FOLH1: variants seen among roughly 807,000 people sequenced by gnomAD.
FOLH1 encodes glutamate carboxypeptidase 2.
FOLH1 carries 54 observed loss-of-function variants against 93.9 expected under a neutral mutation model. The ratio of observed to expected loss-of-function variants is 0.57; its 90% CI spans 0.46 to 0.72. The LOEUF (loss-of-function observed/expected upper bound fraction) is 0.72, where lower values mean the gene tolerates loss of function less well. FOLH1 is among the 30% of genes least tolerant of loss of function. The pLI is 0.00. For synonymous variants in FOLH1, 249 were observed against 303.6 expected, an observed-to-expected ratio of 0.82 and a Z score of 1.87; for missense variants, 571 against 892.5, an observed-to-expected ratio of 0.64 and a Z score of 4.59.
intron 12 of FOLH1, among the ~76,000 whole-genome samples, chr11:49,167,939 CCAA>C (rs1858629814): frequency 3.1e-4 from 16 of 52,096 alleles, no homozygotes; most frequent in African/African-American, 1.1e-3. Context: ...AAAGAAAATG[CCAA>C]CGTGACTCCA....
chr11:49,151,732 G>A (rs548950991), intron 17 of FOLH1, among the ~76,000 whole-genome samples: 1 of 152,294 alleles, frequency 6.6e-6, no homozygotes, highest in East Asian at 1.9e-4. Flanking sequence ...GAAGCTGAGT[G>A]TGCCAAACAA....
chr11:49,175,970 A>G lies in FOLH1; in HGVS notation c.921-13T>C, dbSNP rs368520917. The stretch of plus-strand genomic sequence containing the variant: ...GCCACCCATTTTTCTATTGGACACA[A>G]AAAAACATTATTAGCCACAAAAAAA... On this transcript the variant is annotated splice_polypyrimidine_tract_variant and intron_variant, in intron 7 of 18. Coordinates refer to ENST00000256999, the MANE Select transcript of FOLH1 (RefSeq NM_004476.3). 1 of 1,608,806 alleles carries G rather than the reference A, an allele frequency of 6.2e-7. No homozygotes were observed. Among genetic ancestry groups the G allele is most frequent in the African/African-American group, 1.3e-5 (1 of 74,640 alleles).
intron 3 of FOLH1, among the ~76,000 whole-genome samples, chr11:49,199,545 T>G (rs1400952287): frequency 6.6e-6 from 1 of 152,144 alleles, no homozygotes; most frequent in Non-Finnish European, 1.5e-5. Context: ...TGGGTCAAAC[T>G]GCATACTGGA....
At chr11:49,204,983 G>A (rs1863724492) in intron 2 of FOLH1, among the ~76,000 whole-genome samples, 1 of 152,072 alleles carries the variant, frequency 6.6e-6, no homozygotes, top group African/African-American at 2.4e-5. Flanking sequence ...AGCCGAGGCG[G>A]GCAGATCACC....
chr11:49,145,491 A>G lies in FOLH1; in HGVS notation c.*1265T>C, dbSNP rs1343712110. ...TGAAATTGTCCTTTGCCAAATTTGTAGTAGAGCCCCTCTGGCTTGACATTT... is the reference window on the plus strand; with the variant it reads ...TGAAATTGTCCTTTGCCAAATTTGTGGTAGAGCCCCTCTGGCTTGACATTT... On this transcript the variant is annotated 3_prime_UTR_variant, in exon 19 of 19. Transcript: ENST00000256999. 2.0e-5 allele frequency among the ~76,000 whole-genome samples: 3 copies of G among 152,184 alleles called. No homozygotes were observed. Among genetic ancestry groups the G allele is most frequent in the Non-Finnish European group, 4.4e-5 (3 of 68,020 alleles).
At chr11:49,184,629 A>G (rs1861168940) in intron 6 of FOLH1, among the ~76,000 whole-genome samples, 1 of 152,192 alleles carries the variant, frequency 6.6e-6, no homozygotes, top group Non-Finnish European at 1.5e-5. Context: ...ATTATGTTCT[A>G]AGAAGATTTA....
chr11:49,200,830 T>C (rs757781651), intron 2 of FOLH1, among the ~76,000 whole-genome samples: 2 of 152,164 alleles, frequency 1.3e-5, no homozygotes, highest in East Asian at 1.9e-4. Context: ...AGGTGTAACA[T>C]GGCAAGAATT....
intron 2 of FOLH1, among the ~76,000 whole-genome samples, chr11:49,203,577 G>A (rs535947613): frequency 4.0e-4 from 61 of 152,222 alleles, no homozygotes; most frequent in Non-Finnish European, 6.0e-4. Flanking sequence ...GAGATTCTGT[G>A]GTCCTTGGAG....
rs1858874324 is a variant in FOLH1, at chr11:49,169,181, C to T, written c.1372+14G>A. On this transcript the variant is annotated intron_variant, in intron 12 of 18. Coordinates refer to ENST00000256999, the MANE Select transcript of FOLH1 (RefSeq NM_004476.3). ...TTTAATCACATCTTTTCTTATGAGA[C>T]CAACGATATTCACCTTCTATAGATG... The T allele has an allele frequency of 1.2e-6, 2 of 1,612,212 alleles. No homozygotes were observed. Among genetic ancestry groups the T allele is most frequent in the Non-Finnish European group, 1.7e-6 (2 of 1,178,610 alleles).
chr11:49,155,561 CT>C, intron 15 of FOLH1: 2 of 237,324 alleles, frequency 8.4e-6, no homozygotes, highest in Non-Finnish European at 1.7e-5. Flanking sequence ...AATGATTTTT[CT>C]TTATAACATA....
chr11:49,185,773 G>A lies in FOLH1; in HGVS notation c.722C>T (p.Ser241Phe), dbSNP rs1206846668. The A allele has an allele frequency of 6.2e-7, 1 of 1,610,570 alleles. No individual in the cohort carries two copies. The highest frequency in any genetic ancestry group is 8.5e-7 in the Non-Finnish European group (1 of 1,178,784). Residue 241 changes from serine to phenylalanine, a missense_variant, in exon 6 of 19, where the codon TCC becomes TTC. Ser to Phe is a radical substitution (Grantham distance 155). Transcript: ENST00000256999. ...PADYFAPGVK[S>F]YPDGWNLPGG... ...AGGAAGATTCCAACCATCTGGATAG[G>A]ACTTCACCCCAGGAGCAAAGTAGTC...
intron 7 of FOLH1, among the ~76,000 whole-genome samples, chr11:49,178,036 G>C (rs202711): frequency 1 from 151,729 of 151,840 alleles, 75,809 homozygotes; most frequent in Non-Finnish European, 1. Flanking sequence ...TCTATCTTCC[G>C]TGGTTTTGTT....
At chr11:49,168,971 G>A (rs1858835536) in intron 12 of FOLH1, among the ~76,000 whole-genome samples, 1 of 152,064 alleles carries the variant, frequency 6.6e-6, no homozygotes, top group Non-Finnish European at 1.5e-5. Context: ...GAAAAGAAAA[G>A]AGAAAAGAAA....
At chr11:49,164,793 A>G (rs1466453058) in intron 12 of FOLH1, 21 bp from the exon 13 acceptor site, 3 of 1,538,962 alleles carry the variant, frequency 1.9e-6, no homozygotes, top group Non-Finnish European at 2.7e-6. Flanking sequence ...AGAAAAGAAT[A>G]GATTTTAAAA....
intron 6 of FOLH1, 38 bp downstream of exon 6, chr11:49,185,631 G>C (rs769314836): frequency 9.9e-6 from 16 of 1,610,626 alleles, no homozygotes; most frequent in Admixed American, 1.7e-5. Context: ...TCTTTCAAAT[G>C]TTAAGTTTCC....
chr11:49,204,836 G>A (rs761984649), intron 2 of FOLH1, among the ~76,000 whole-genome samples: 1 of 152,122 alleles, frequency 6.6e-6, no homozygotes, highest in Non-Finnish European at 1.5e-5. Context: ...GCAATCATTA[G>A]AGGGACTTCA....
chr11:49,199,108 A>T (rs1334829207), intron 3 of FOLH1, among the ~76,000 whole-genome samples: 2 of 152,190 alleles, frequency 1.3e-5, no homozygotes, highest in East Asian at 3.9e-4. Flanking sequence ...ATGAAAAAAA[A>T]TTATATATGT....
chr11:49,164,955 AT>A (rs1265576175), intron 12 of FOLH1, among the ~76,000 whole-genome samples, 183 bp from the exon 13 acceptor site: 1 of 152,236 alleles, frequency 6.6e-6, no homozygotes, highest in Non-Finnish European at 1.5e-5. Flanking sequence ...CCACACTGCC[AT>A]ATATGAAACC....
chr11:49,172,005 G>A (rs1181324266), intron 10 of FOLH1, among the ~76,000 whole-genome samples: 1 of 152,066 alleles, frequency 6.6e-6, no homozygotes, highest in Non-Finnish European at 1.5e-5. Context: ...GGATTAAATG[G>A]AATAATGTTT....
Sources: gnomAD v4.1 joint callset for allele counts (sites outside exome capture counted in the v4.1 genomes callset) on GRCh38, gnomAD v4.1.1 for gene constraint, MANE v1.5 for transcripts, NCBI Gene and HGNC (gene_info 2026-07-23, HGNC 2026-07-21) for gene names.